Variants in GSK3B observed in about 807,000 individuals in gnomAD.
GSK3B encodes the protein glycogen synthase kinase-3 beta.
A neutral mutation model predicts 56.4 loss-of-function variants in GSK3B; 15 were observed. That is an observed-to-expected ratio of 0.27 (90% CI 0.18 to 0.41). The LOEUF is 0.41. Among genes scored for constraint, GSK3B ranks in the 10% least tolerant of loss-of-function variants. The pLI is 1.00. For missense variants in GSK3B, 300 were observed against 513.4 expected (o/e 0.58, Z 4.02); for synonymous variants, 181 against 188.9 (o/e 0.96, Z 0.34).
At chr3:119,985,215 C>T (rs769461263) in intron 2 of GSK3B, among the ~76,000 whole-genome samples, 5 of 152,154 alleles carry the variant, frequency 3.3e-5, no homozygotes, top group African/African-American at 4.8e-5. Context: ...TTATGACAAA[C>T]TCACAATCAA....
At chr3:119,935,137 T>C (rs1451096977) in intron 3 of GSK3B, among the ~76,000 whole-genome samples, 1 of 152,144 alleles carries the variant, frequency 6.6e-6, no homozygotes, top group Non-Finnish European at 1.5e-5. Flanking sequence ...TATATTCACT[T>C]CCTAGGTCAT....
At chr3:120,085,456 A>G (rs1030809673) in intron 1 of GSK3B, among the ~76,000 whole-genome samples, 4 of 152,224 alleles carry the variant, frequency 2.6e-5, no homozygotes, top group Admixed American at 6.5e-5. Context: ...CATACTCAAA[A>G]TCTAGCATTA....
intron 1 of GSK3B, among the ~76,000 whole-genome samples, chr3:120,080,661 C>T (rs368251455): frequency 4.6e-5 from 7 of 151,790 alleles, no homozygotes. Flanking sequence ...TGAAACCCTG[C>T]TTCTACTAAA....
chr3:120,043,106 A>G (rs1033560663), intron 1 of GSK3B, among the ~76,000 whole-genome samples: 2 of 152,178 alleles, frequency 1.3e-5, no homozygotes, highest in South Asian at 2.1e-4. Flanking sequence ...CAGTCCATTA[A>G]TAACAGCCTG....
chr3:120,048,456 C>T (rs1446466215), intron 1 of GSK3B, among the ~76,000 whole-genome samples: 1 of 152,238 alleles, frequency 6.6e-6, no homozygotes, highest in Non-Finnish European at 1.5e-5. Flanking sequence ...GGGTTAAATA[C>T]TGGCTCTGCC....
intron 1 of GSK3B, among the ~76,000 whole-genome samples, chr3:120,026,383 T>C (rs1361749286): frequency 9.2e-5 from 14 of 152,066 alleles, no homozygotes; most frequent in Admixed American, 7.9e-4. Context: ...TTATAATCTA[T>C]AGTAGTTGTT....
chr3:119,944,632 C>T (rs1184201497), intron 3 of GSK3B, among the ~76,000 whole-genome samples: 7 of 152,110 alleles, frequency 4.6e-5, no homozygotes, highest in Non-Finnish European at 7.3e-5. Flanking sequence ...CATGGCTACA[C>T]GCCCTCTTTA....
intron 3 of GSK3B, among the ~76,000 whole-genome samples, chr3:119,946,609 A>G (rs73854750): frequency 1.7e-3 from 262 of 152,330 alleles, no homozygotes; most frequent in African/African-American, 5.8e-3. Context: ...AAATAAAGAC[A>G]CCAAGGAAAA....
chr3:120,029,928 C>T (rs547291729), intron 1 of GSK3B: 1 of 543,486 alleles, frequency 1.8e-6, no homozygotes, highest in Non-Finnish European at 3.7e-6. Context: ...CACAGGAACA[C>T]ATGGGCCCTA....
intron 2 of GSK3B, among the ~76,000 whole-genome samples, chr3:119,964,732 G>A (rs1031897905): frequency 6.6e-6 from 1 of 152,016 alleles, no homozygotes; most frequent in Non-Finnish European, 1.5e-5. Flanking sequence ...TGCTAAGAGG[G>A]TAAATGTCAT....
chr3:119,885,362 A>C (rs536063829), intron 7 of GSK3B, among the ~76,000 whole-genome samples: 1 of 152,292 alleles, frequency 6.6e-6, no homozygotes, highest in South Asian at 2.1e-4. Context: ...CTGCTAAGAG[A>C]AATCACAGAT....
At chr3:119,892,495 T>C (rs2056513937) in intron 7 of GSK3B, among the ~76,000 whole-genome samples, 1 of 152,212 alleles carries the variant, frequency 6.6e-6, no homozygotes, top group Non-Finnish European at 1.5e-5. Flanking sequence ...CTGAGTGAAA[T>C]GCTTCTGCCT....
intron 5 of GSK3B, among the ~76,000 whole-genome samples, chr3:119,914,069 G>A (rs1171250569): frequency 1.3e-5 from 2 of 152,028 alleles, no homozygotes; most frequent in African/African-American, 4.8e-5. Context: ...ACTACCTGAT[G>A]GAGCTACAAA....
At chr3:120,036,102 G>A (rs148618023) in intron 1 of GSK3B, among the ~76,000 whole-genome samples, 45 of 152,164 alleles carry the variant, frequency 3.0e-4, no homozygotes, top group Admixed American at 2.0e-3. Context: ...TATTAGCTCC[G>A]GGTTTTTTCA....
intron 7 of GSK3B, among the ~76,000 whole-genome samples, chr3:119,879,831 A>T (rs910968089): frequency 2.6e-5 from 4 of 152,198 alleles, no homozygotes; most frequent in Non-Finnish European, 5.9e-5. Flanking sequence ...ATGAGTATAT[A>T]TATCACATTT....
In GSK3B at chr3:119,869,223, CAAAAAAAAAAA is replaced by C. The variant is rs67194724; in HGVS notation, c.910-5629_910-5619del. 3.6e-4 allele frequency among the ~76,000 whole-genome samples: 20 copies of C among 54,838 alleles called. 1 individual carries two copies. The highest frequency in any genetic ancestry group is 1.3e-3 in the African/African-American group (17 of 12,684). 36.0% of individuals were successfully genotyped at this position (54,838 alleles called of 152,430 possible). A position where few individuals can be genotyped will look rare whatever the true frequency, so the allele number is the denominator to read the frequency against. ...TGGGCAACAGATCAAGATTCCATCTCAAAAAAAAAAAAAAAAAAAAAAACATATATTCTTTG... is the reference window on the plus strand; with the variant it reads ...TGGGCAACAGATCAAGATTCCATCTCAAAAAAAAAAAACATATATTCTTTG... On this transcript the variant is annotated intron_variant, in intron 8 of 10. Coordinates refer to ENST00000264235, the MANE Select transcript of GSK3B (RefSeq NM_001146156.2).
At chr3:119,870,004 C>T (rs2056232178) in intron 8 of GSK3B, among the ~76,000 whole-genome samples, 1 of 152,182 alleles carries the variant, frequency 6.6e-6, no homozygotes, top group Admixed American at 6.5e-5. Flanking sequence ...GGTTGGCTCT[C>T]CTATGAATAT....
At chr3:120,019,188 T>G (rs1421508138) in intron 1 of GSK3B, among the ~76,000 whole-genome samples, 1 of 152,030 alleles carries the variant, frequency 6.6e-6, no homozygotes, top group Non-Finnish European at 1.5e-5. Context: ...GTTTAATACA[T>G]CAAAAAACAC....
chr3:119,943,590 A>G (rs2057070937), intron 3 of GSK3B, among the ~76,000 whole-genome samples: 1 of 152,148 alleles, frequency 6.6e-6, no homozygotes, highest in South Asian at 2.1e-4. Flanking sequence ...GCCCAGAGAG[A>G]AGAGACACTA....
Sources: gnomAD v4.1 joint callset for allele counts (sites outside exome capture counted in the v4.1 genomes callset) on GRCh38, gnomAD v4.1.1 for gene constraint, MANE v1.5 for transcripts, NCBI Gene and HGNC (gene_info 2026-07-23, HGNC 2026-07-21) for gene names.